LMF1: variants seen among roughly 807,000 people sequenced by gnomAD.
The protein encoded by LMF1 is lipase maturation factor 1.
LMF1 carries 68 observed loss-of-function variants against 60.6 expected under a neutral mutation model. The observed-to-expected ratio is 1.12, with a 90% CI of 0.92 to 1.37. The LOEUF is 1.37. Among genes scored for constraint, LMF1 ranks in the 40% most tolerant of loss-of-function variants. The pLI is 0.00. For synonymous variants in LMF1, 418 were observed against 324.7 expected, an observed-to-expected ratio of 1.29 and a Z score of -3.09; for missense variants, 948 against 767.2, an observed-to-expected ratio of 1.24 and a Z score of -2.78.
Position 897,345 on chromosome 16 carries a change from A to C in LMF1, c.664-4273T>G, listed in dbSNP as rs1407760223. Among the ~76,000 whole-genome samples the C allele has an allele frequency of 6.6e-6, 1 of 152,204 alleles. No individual in the cohort carries two copies. The highest frequency in any genetic ancestry group is 1.5e-5 in the Non-Finnish European group (1 of 68,038). On this transcript the variant is annotated intron_variant, in intron 4 of 10. Transcript: ENST00000262301. This position sits in a 1 kb window ranked among gnomAD's most constrained non-coding sequence, Gnocchi z 4.3. ...CCTGTGTACCCTTGCACAGTGGCTCAGGACAGACCCCCAGCCCCTACAGTC... is the reference window on the plus strand; with the variant it reads ...CCTGTGTACCCTTGCACAGTGGCTCCGGACAGACCCCCAGCCCCTACAGTC...
intron 10 of LMF1, among the ~76,000 whole-genome samples, chr16:866,139 C>T (rs1291110473): frequency 6.6e-6 from 1 of 152,244 alleles, no homozygotes; most frequent in East Asian, 1.9e-4. Context: ...TCACCAATGT[C>T]TTCCTGTTTC....
At chr16:967,161 C>A (rs1163214412) in intron 1 of LMF1, among the ~76,000 whole-genome samples, 1 of 152,194 alleles carries the variant, frequency 6.6e-6, no homozygotes, top group Non-Finnish European at 1.5e-5. Context: ...CTGCCTGTGG[C>A]CGCCCATGGA....
intron 3 of LMF1, chr16:931,713 G>T: frequency 7.8e-7 from 1 of 1,287,222 alleles, no homozygotes; most frequent in Non-Finnish European, 1.0e-6. Context: ...ATGGCTGCTC[G>T]GAAGGCAGGG....
chr16:879,573 G>C lies in LMF1; in HGVS notation c.894C>G (p.Phe298Leu), dbSNP rs760946397. Reference protein sequence around the residue: ...CIIHGVLQILFQAVLIVSGNL... With the variant: ...CIIHGVLQILLQAVLIVSGNL... ...AGGGCGGGCGGCGCGGGCTCACCTGGAACAGGATCTGCAGCACCCCGTGGA... is the reference window on the plus strand; with the variant it reads ...AGGGCGGGCGGCGCGGGCTCACCTGCAACAGGATCTGCAGCACCCCGTGGA... The change falls in exon 6 of 11, where the codon TTC becomes TTG. Residue 298 changes from phenylalanine to leucine, a missense_variant. Physicochemically the swap from Phe to Leu is conservative, Grantham distance 22. Transcript: ENST00000262301. 2 of 1,612,686 alleles carry C rather than the reference G, an allele frequency of 1.2e-6. No individual in the cohort carries two copies. Among genetic ancestry groups the C allele is most frequent in the African/African-American group, 2.7e-5 (2 of 74,930 alleles).
At chr16:884,511 A>G (rs1331847342) in intron 5 of LMF1, among the ~76,000 whole-genome samples, 1 of 152,260 alleles carries the variant, frequency 6.6e-6, no homozygotes, top group Non-Finnish European at 1.5e-5. Flanking sequence ...TGACAAGCTG[A>G]AAGAACTTGT....
rs1434745836 is a variant in LMF1, at chr16:853,649, G to GT, written c.*882dup. On this transcript the variant is annotated 3_prime_UTR_variant, in exon 11 of 11. Coordinates refer to ENST00000262301, the MANE Select transcript of LMF1 (RefSeq NM_022773.4). Reference sequence around the variant, plus strand: ...AAACAGTGTGTTTTCGAGTAAGCTGGTAAGTGGTATAATAGGAATAGTAGA... The same window carrying GT: ...AAACAGTGTGTTTTCGAGTAAGCTGGTTAAGTGGTATAATAGGAATAGTAGA... 6.7e-6 allele frequency: 3 copies of GT among 450,432 alleles called. No individual in the cohort carries two copies. The highest frequency in any genetic ancestry group is 1.3e-5 in the Non-Finnish European group (3 of 223,684). The allele number at this position is 450,432 out of a possible 1,614,324, so 27.9% of individuals were successfully genotyped here. A position where few individuals can be genotyped will look rare whatever the true frequency, so the allele number is the denominator to read the frequency against.
chr16:950,447 A>G (rs1423097962), intron 2 of LMF1, among the ~76,000 whole-genome samples: 2 of 131,596 alleles, frequency 1.5e-5, no homozygotes, highest in Non-Finnish European at 3.1e-5. Context: ...ACAACGACAG[A>G]GTCAGCCAAC....
At chr16:855,849 C>T (rs1022100611) in intron 10 of LMF1, 2 of 455,958 alleles carry the variant, frequency 4.4e-6, no homozygotes, top group South Asian at 1.5e-5. Context: ...CACAGCTGTG[C>T]TCTGGGGGCT....
At position 854,358 on chromosome 16, in the gene LMF1, G is replaced by A. The variant is rs78699640; in HGVS notation, c.*174C>T. On this transcript the variant is annotated 3_prime_UTR_variant, in exon 11 of 11. Transcript: ENST00000262301. ...CCCAGGTGGGCAGGGCCTGGGAGCC[G>A]CCACAGTATGTGACAACAGACCCCA... The A allele has an allele frequency of 6.7e-5, 52 of 774,806 alleles. No homozygotes were observed. The highest frequency in any genetic ancestry group is 1.7e-5 in the African/African-American group (1 of 58,272). 48.0% of individuals were successfully genotyped at this position (774,806 alleles called of 1,614,324 possible). A position where few individuals can be genotyped will look rare whatever the true frequency, so the allele number is the denominator to read the frequency against.
chr16:855,412 G>A (rs973130445), intron 10 of LMF1: 1 of 346,278 alleles, frequency 2.9e-6, no homozygotes, highest in Non-Finnish European at 5.7e-6. Context: ...CTGGTGACCA[G>A]GCCTGGTTTA....
At chr16:980,033 G>C (rs970392474) in intron 1 of LMF1, 1 of 331,648 alleles carries the variant, frequency 3.0e-6, no homozygotes, top group Admixed American at 4.0e-5. Flanking sequence ...ACGGGGAAGA[G>C]AGGGCAGGCC....
At chr16:908,974 C>T (rs1028884478) in intron 4 of LMF1, among the ~76,000 whole-genome samples, 2 of 152,140 alleles carry the variant, frequency 1.3e-5, no homozygotes, top group Admixed American at 6.5e-5. Flanking sequence ...GACACCTTGT[C>T]CTGGGGGGTG....
chr16:951,057 A>G (rs2072448613), intron 2 of LMF1, among the ~76,000 whole-genome samples: 1 of 102,372 alleles, frequency 9.8e-6, no homozygotes, highest in Non-Finnish European at 1.8e-5. Flanking sequence ...TCAGCCAATG[A>G]CAGAGTCAGC....
rs760931691 is a variant in LMF1 at position 870,858 on chromosome 16, T to C, written c.1103A>G (p.Asn368Ser). ...GGCCAGCAGGACGCCCAGCGAGACGTTGGCTGCACGCCGCACCACGGAGCC... is the reference window on the plus strand; with the variant it reads ...GGCCAGCAGGACGCCCAGCGAGACGCTGGCTGCACGCCGCACCACGGAGCC... ...RFGSVVRRAA[N>S]VSLGVLLAWL... Residue 368 changes from asparagine (N) to serine (S), a missense_variant, in exon 8 of 11, where the codon AAC (asparagine) becomes AGC (serine). Coordinates refer to ENST00000262301, the MANE Select transcript of LMF1 (RefSeq NM_022773.4). 1.2e-5 allele frequency: 19 copies of C among 1,610,074 alleles called. No homozygotes were observed. Among genetic ancestry groups the C allele is most frequent in the East Asian group, 8.9e-5 (4 of 44,874 alleles).
At chr16:889,182 C>CA (rs1211594688) in intron 5 of LMF1, among the ~76,000 whole-genome samples, 1 of 152,222 alleles carries the variant, frequency 6.6e-6, no homozygotes, top group Non-Finnish European at 1.5e-5. Flanking sequence ...GGCTTGTTGT[C>CA]AGGAGTTTCA....
chr16:924,158 G>C (rs139821083), intron 3 of LMF1, among the ~76,000 whole-genome samples: 154 of 152,328 alleles, frequency 1.0e-3, no homozygotes, highest in African/African-American at 3.6e-3. Flanking sequence ...ATGATGAGAA[G>C]AACATTAGGG....
intron 10 of LMF1, among the ~76,000 whole-genome samples, chr16:861,354 CTTTTTTTTT>C (rs33941455): frequency 1.4e-3 from 129 of 92,674 alleles, no homozygotes; most frequent in African/African-American, 5.1e-3. Context: ...AATTTTCTTT[CTTTTTTTTT>C]TTTTTTTTTT....
At chr16:864,688 T>G (rs2069563488) in intron 10 of LMF1, among the ~76,000 whole-genome samples, 1 of 147,286 alleles carries the variant, frequency 6.8e-6, no homozygotes, top group African/African-American at 2.6e-5. Context: ...TGAGATAGGG[T>G]CTTGTGTCGC....
At chr16:935,128 G>A (rs1416403915) in intron 2 of LMF1, among the ~76,000 whole-genome samples, 6 of 150,630 alleles carry the variant, frequency 4.0e-5, no homozygotes, top group Middle Eastern at 6.8e-3. Context: ...TTTGAGACAC[G>A]GTCTCATTCT....
Sources: gnomAD v4.1 joint callset for allele counts (sites outside exome capture counted in the v4.1 genomes callset) on GRCh38, gnomAD v4.1.1 for gene constraint, Gnocchi (gnomAD v3.1) non-coding constraint, MANE v1.5 for transcripts, NCBI Gene and HGNC (gene_info 2026-07-23, HGNC 2026-07-21) for gene names.